Variants in WNK3 observed in about 807,000 individuals in gnomAD.
WNK3 encodes the protein WNK lysine deficient protein kinase 3.
Under a neutral mutation model 116.7 loss-of-function variants are expected in WNK3, and 18 were observed. The ratio of observed to expected loss-of-function variants is 0.15; its 90% CI spans 0.11 to 0.23. The LOEUF (loss-of-function observed/expected upper bound fraction) is 0.23. WNK3 is among the 10% of genes least tolerant of loss of function. The pLI, the probability that WNK3 is intolerant of heterozygous loss-of-function variation, is 1.00. For synonymous variants in WNK3, 404 were observed against 469.4 expected (o/e 0.86, Z 1.80); for missense variants, 993 against 1,323.8 (o/e 0.75, Z 3.88).
chrX:54,214,969 C>T (rs1025016568), intron 22 of WNK3, among the ~76,000 whole-genome samples: 1 of 108,028 alleles, frequency 9.3e-6, no homozygotes, highest in Non-Finnish European at 1.9e-5. Context: ...GCCAAGATCA[C>T]GCCACTACGT....
At chrX:54,351,807 G>A (rs1466161534) in intron 1 of WNK3, among the ~76,000 whole-genome samples, 2 of 111,267 alleles carry the variant, frequency 1.8e-5, no homozygotes, top group Admixed American at 9.7e-5. Flanking sequence ...AGCAACTCGG[G>A]AGGCTGAGGC....
chrX:54,196,340 C>G (rs2067442535), exon 24 of WNK3: 2 of 109,695 alleles, frequency 1.8e-5, no homozygotes, highest in Non-Finnish European at 3.8e-5. Flanking sequence ...CCCTAGATGC[C>G]TCAAATTATA....
At chrX:54,207,739 C>G (rs1273126037) in intron 22 of WNK3, among the ~76,000 whole-genome samples, 3 of 109,943 alleles carry the variant, frequency 2.7e-5, no homozygotes, top group African/African-American at 9.9e-5. Flanking sequence ...GTCTCAAACT[C>G]CTGACCTCAG....
exon 6 of WNK3, chrX:54,301,833 T>C (rs55949702): frequency 7.4e-6 from 9 of 1,210,501 alleles, no homozygotes; most frequent in Non-Finnish European, 1.0e-5. Flanking sequence ...GATCAGTGAC[T>C]TTATTGAAGC....
intron 22 of WNK3, among the ~76,000 whole-genome samples, chrX:54,211,957 T>C (rs1008211639): frequency 2.7e-5 from 3 of 111,785 alleles, no homozygotes; most frequent in African/African-American, 9.7e-5. Context: ...CCGGGTGCTG[T>C]GGCTTACGCC....
intron 10 of WNK3, among the ~76,000 whole-genome samples, chrX:54,277,551 T>C (rs1557161336): frequency 9.1e-6 from 1 of 109,867 alleles, no homozygotes; most frequent in Non-Finnish European, 1.9e-5. Flanking sequence ...TTGGCCAGGA[T>C]GGTCTCAATC....
chrX:54,233,041 A>T, intron 20 of WNK3, 21 bp from the exon 21 acceptor site: 1 of 1,162,031 alleles, frequency 8.6e-7, no homozygotes, highest in Non-Finnish European at 1.2e-6. Context: ...ATCATGCAAA[A>T]AGCATTTTAA....
At chrX:54,353,054 G>T (rs1031268557) in intron 1 of WNK3, among the ~76,000 whole-genome samples, 1 of 111,881 alleles carries the variant, frequency 8.9e-6, no homozygotes, top group Non-Finnish European at 1.9e-5. Context: ...TTGGAGGAAG[G>T]GACAATGGGG....
chrX:54,229,000 CAA>C (rs1221167542), intron 21 of WNK3, among the ~76,000 whole-genome samples: 2 of 110,801 alleles, frequency 1.8e-5, no homozygotes, highest in Non-Finnish European at 3.8e-5. Context: ...AAGGGAGAAA[CAA>C]AAAAGTCTAT....
intron 5 of WNK3, among the ~76,000 whole-genome samples, chrX:54,306,150 GAT>G (rs782210915): frequency 2.2e-4 from 25 of 111,749 alleles, no homozygotes; most frequent in Non-Finnish European, 3.9e-4. Context: ...AAAGATGAAA[GAT>G]AAGTGTTGGT....
At chrX:54,213,574 A>T in intron 22 of WNK3, among the ~76,000 whole-genome samples, 1 of 105,048 alleles carries the variant, frequency 9.5e-6, no homozygotes, top group South Asian at 4.0e-4. Context: ...ACAAACAAAA[A>T]AAAAAAAACT....
chrX:54,345,374 A>T (rs1488238724), intron 1 of WNK3, among the ~76,000 whole-genome samples: 7 of 111,056 alleles, frequency 6.3e-5, no homozygotes, highest in African/African-American at 2.0e-4. Flanking sequence ...GGATGTTAAA[A>T]TATAAGGGCA....
chrX:54,226,883 AT>A (rs1557147994), intron 22 of WNK3, among the ~76,000 whole-genome samples: 1 of 111,558 alleles, frequency 9.0e-6, no homozygotes, highest in Non-Finnish European at 1.9e-5. Context: ...AATTATAGGA[AT>A]AAATCTTCAT....
At chrX:54,302,040 A>G (rs782526452) in intron 5 of WNK3, among the ~76,000 whole-genome samples, 181 bp from the exon 6 acceptor site, 17 of 111,706 alleles carry the variant, frequency 1.5e-4, no homozygotes, top group Non-Finnish European at 3.2e-4. Flanking sequence ...GATGTTGTCT[A>G]CAAATAACAG....
chrX:54,329,154 A>G (rs1345780871), intron 2 of WNK3, among the ~76,000 whole-genome samples: 1 of 112,057 alleles, frequency 8.9e-6, no homozygotes, highest in East Asian at 2.8e-4. Flanking sequence ...ACTCTACTTA[A>G]CTGTGCATAC....
intron 19 of WNK3, 36 bp downstream of exon 19, chrX:54,238,306 G>T (rs1267024341): frequency 1.7e-6 from 2 of 1,185,223 alleles, no homozygotes; most frequent in Non-Finnish European, 1.1e-6. Flanking sequence ...ATTTTATAAT[G>T]CCCTTGTAGA....
At chrX:54,202,322 T>A in intron 22 of WNK3, 129 bp from the exon 23 acceptor site, 1 of 559,787 alleles carries the variant, frequency 1.8e-6, no homozygotes, top group Non-Finnish European at 2.8e-6. Flanking sequence ...GAACACACAC[T>A]CTAGTTTACC....
intron 13 of WNK3, 72 bp from the exon 14 acceptor site, chrX:54,251,759 A>T: frequency 9.7e-7 from 1 of 1,030,850 alleles, no homozygotes; most frequent in African/African-American, 1.9e-5. Flanking sequence ...ATAAATAGTG[A>T]CTATCACATA....
chrX:54,321,577 A>G (rs111893295), intron 2 of WNK3, among the ~76,000 whole-genome samples: 2,905 of 111,864 alleles, frequency 0.026, 101 homozygotes, highest in African/African-American at 0.091. Flanking sequence ...TGACATCAAC[A>G]TATCAATTAA....
Sources: gnomAD v4.1 joint callset for allele counts (sites outside exome capture counted in the v4.1 genomes callset) on GRCh38, gnomAD v4.1.1 for gene constraint, MANE v1.5 for transcripts, NCBI Gene and HGNC (gene_info 2026-07-23, HGNC 2026-07-21) for gene names.